The following ALDH3B1 variants were observed in gnomAD, a reference collection of about 807,000 sequenced individuals.
The protein encoded by ALDH3B1 is aldehyde dehydrogenase family 3 member B1.
In ALDH3B1, 37 loss-of-function variants were observed where a neutral mutation model predicts 46.2. The ratio of observed to expected loss-of-function variants is 0.80; its 90% CI spans 0.62 to 1.05. The LOEUF is 1.05. ALDH3B1 is among the 50% of genes least tolerant of loss of function. ALDH3B1 has a pLI of 0.00. For synonymous variants in ALDH3B1, 283 were observed against 281.0 expected (o/e 1.01, Z -0.07); for missense variants, 603 against 665.5 (o/e 0.91, Z 1.03).
intron 1 of ALDH3B1, among the ~76,000 whole-genome samples, 170 bp downstream of exon 1, chr11:68,010,562 C>T (rs1207915748): frequency 1.6e-4 from 24 of 152,324 alleles, no homozygotes; most frequent in Non-Finnish European, 2.9e-5. Context: ...GGGGAGAAAG[C>T]GGAAGGAGGA....
chr11:68,021,335 C>A, intron 6 of ALDH3B1, 150 bp from the exon 7 acceptor site: 2 of 1,180,268 alleles, frequency 1.7e-6, no homozygotes, highest in East Asian at 2.4e-5. Flanking sequence ...CCCTGGGCTG[C>A]AGGGTGGCAG....
At chr11:68,014,204 A>C (rs770867595) in intron 1 of ALDH3B1, among the ~76,000 whole-genome samples, 6 of 152,040 alleles carry the variant, frequency 3.9e-5, no homozygotes, top group Non-Finnish European at 7.4e-5. Context: ...AATGAGGGGG[A>C]AATAAGGGAG....
intron 1 of ALDH3B1, among the ~76,000 whole-genome samples, chr11:68,014,334 G>A (rs377718689): frequency 2.6e-5 from 4 of 152,204 alleles, no homozygotes; most frequent in Admixed American, 1.3e-4. Flanking sequence ...GCATAATCTG[G>A]GTGGGCTGCC....
upstream of ALDH3B1, chr11:68,010,199 C>G (rs1344871443): frequency 2.6e-5 from 4 of 152,296 alleles, no homozygotes; most frequent in African/African-American, 9.6e-5. Flanking sequence ...GATGTCGAGG[C>G]CCCCGAGGGA....
At position 68,015,388 on chromosome 11, in the gene ALDH3B1, C is replaced by T. The variant is rs1281495256; in HGVS notation, c.91C>T (p.Gln31Ter). The T allele has an allele frequency of 3.2e-6, 5 of 1,553,520 alleles. No homozygotes were observed. Among genetic ancestry groups the T allele is most frequent in the Non-Finnish European group, 4.4e-6 (5 of 1,148,924 alleles). Residue 31 changes from glutamine (Q) to a stop codon, truncating the protein, a stop_gained, in exon 2 of 10, where the codon CAA (glutamine) becomes TAA (stop). Transcript: ENST00000342456. LOFTEE classifies it high-confidence loss of function. Reference protein sequence around the residue: ...RPAEFRAAQLQGLGRFLQENK... With the variant: ...RPAEFRAAQL ...AGCTGAGTTCCGGGCTGCGCAGCTC[C>T]AAGGCCTGGGCCGCTTCCTGCAAGA...
At chr11:68,027,538 C>T (rs920005932) in intron 9 of ALDH3B1, among the ~76,000 whole-genome samples, 1 of 152,218 alleles carries the variant, frequency 6.6e-6, no homozygotes, top group African/African-American at 2.4e-5. Context: ...CACCACCCGC[C>T]TATCTTGCCC....
Position 68,021,856 on chromosome 11 carries a change from A to T in ALDH3B1, c.934A>T (p.Ser312Cys). ...GGCCATTGGGGGCCAGAGCGATGAG[A>T]GCGATCGCTACATCGGTGAGTCCTG... Reference protein sequence around the residue: ...RVAIGGQSDESDRYIAPTVLV... With the variant: ...RVAIGGQSDECDRYIAPTVLV... Residue 312 changes from serine (S) to cysteine (C), a missense_variant, in exon 7 of 10, where the codon AGC becomes TGC. Transcript: ENST00000342456. 6.2e-7 allele frequency: 1 copy of T among 1,607,860 alleles called. No homozygotes were observed. Among genetic ancestry groups the T allele is most frequent in the Non-Finnish European group, 8.5e-7 (1 of 1,176,622 alleles).
At position 68,028,054 on chromosome 11, in the gene ALDH3B1, C is replaced by G; in HGVS notation, c.*115C>G. ...GAAAAGGATTGCCAAGGCTCCAGGG[C>G]ACCCCTCAAAGCAGCGCCTGCCTCC... On this transcript the variant is annotated 3_prime_UTR_variant, in exon 10 of 10. Coordinates refer to ENST00000342456, the MANE Select transcript of ALDH3B1 (RefSeq NM_000694.4). 1 of 1,399,210 alleles carries G rather than the reference C, an allele frequency of 7.1e-7. No individual in the cohort carries two copies. The allele number at this position is 1,399,210 out of a possible 1,614,324, so 86.7% of individuals were successfully genotyped here. A position where few individuals can be genotyped will look rare whatever the true frequency, so the allele number is the denominator to read the frequency against.
chr11:68,020,002 C>T (rs1857452522), intron 6 of ALDH3B1, among the ~76,000 whole-genome samples: 1 of 152,120 alleles, frequency 6.6e-6, no homozygotes, highest in Non-Finnish European at 1.5e-5. Context: ...GTGCCAACCA[C>T]AGCGTCAGGA....
In ALDH3B1 at chr11:68,026,105, G is replaced by T. The variant is rs374098126; in HGVS notation, c.1213G>T (p.Val405Leu). Residue 405 changes from valine to leucine, a missense_variant, in exon 9 of 10, where the codon GTG (valine) becomes TTG (leucine). By Grantham distance (32) the Val-to-Leu change is conservative (BLOSUM62 1). Coordinates refer to ENST00000342456, the MANE Select transcript of ALDH3B1 (RefSeq NM_000694.4). ...CCTGGCCAGCCTGCCTTTTGGAGGA[G>T]TGGGTAGGTGCCTGCTACCCTGCCC... ...MTLASLPFGG[V>L]GASGMGRYHG... The T allele has an allele frequency of 4.2e-5, 68 of 1,601,190 alleles. No homozygotes were observed. Among genetic ancestry groups the T allele is most frequent in the Non-Finnish European group, 5.5e-5 (64 of 1,174,040 alleles).
rs1857396143 is a variant in ALDH3B1 at position 68,018,285 on chromosome 11, G to C, written c.163-242G>C. ...CAGCCACGTCCTAATGGAGCCGTCA[G>C]CGTTCTCACTTTCACATGGAACGAC... On this transcript the variant is annotated intron_variant, in intron 2 of 9. Coordinates refer to ENST00000342456, the MANE Select transcript of ALDH3B1 (RefSeq NM_000694.4). 7 of 546,010 alleles carry C rather than the reference G, an allele frequency of 1.3e-5. No homozygotes were observed. The South Asian group carries it at 1.5e-4, about 12-fold the overall frequency. 33.8% of individuals were successfully genotyped at this position (546,010 alleles called of 1,614,324 possible).
chr11:68,014,055 C>A (rs77365781), intron 1 of ALDH3B1, among the ~76,000 whole-genome samples: 2 of 152,310 alleles, frequency 1.3e-5, no homozygotes, highest in Admixed American at 6.5e-5. Flanking sequence ...TTGCGCTCAC[C>A]GATGCTGGGC....
rs780048887 is a variant in ALDH3B1, at chr11:68,019,209, A to C, written c.434A>C (p.Asn145Thr). The change falls in exon 5 of 10, where the codon AAC becomes ACC. Residue 145 changes from asparagine (N) to threonine (T), a missense_variant. Coordinates refer to ENST00000342456, the MANE Select transcript of ALDH3B1 (RefSeq NM_000694.4). ...CTGAAGCCATCGGAGATTAGCAAGA[A>C]CGTCGAGAAGATCCTGGCCGAGGTG... ...VVLKPSEISK[N>T]VEKILAEVLP... The C allele has an allele frequency of 1.2e-6, 2 of 1,613,586 alleles. No homozygotes were observed. The highest frequency in any genetic ancestry group is 1.1e-5 in the South Asian group (1 of 90,930).
chr11:68,021,362 GC>G, intron 6 of ALDH3B1, 122 bp from the exon 7 acceptor site: 1 of 1,424,598 alleles, frequency 7.0e-7, no homozygotes, highest in Non-Finnish European at 9.5e-7. Flanking sequence ...ACAAGGAAAG[GC>G]CAGGCGAGGG....
rs1425398188 is a variant in ALDH3B1 at position 68,021,487 on chromosome 11, A to G, written c.565A>G (p.Ser189Gly). The change falls in exon 7 of 10, where the codon AGC (serine) becomes GGC (glycine). Residue 189 changes from serine (S) to glycine (G), a missense_variant and splice_region_variant. Physicochemically the swap from Ser to Gly is moderately conservative, Grantham distance 56. Coordinates refer to ENST00000342456, the MANE Select transcript of ALDH3B1 (RefSeq NM_000694.4). ...HRFDYIFFTG[S>G]PRVGKIVMTA... is the part of the protein sequence containing the mutation. ...CTCTGGTTTCCTTCCATGCCCAGGG[A>G]GCCCTCGTGTGGGCAAGATTGTTAT... 2.5e-6 allele frequency: 4 copies of G among 1,608,260 alleles called. No individual in the cohort carries two copies. In the African/African-American group the frequency reaches 5.3e-5, roughly 22 times the overall value.
In ALDH3B1 at chr11:68,025,757, T is replaced by G. The variant is rs142004633; in HGVS notation, c.1117-252T>G. 3.0e-3 allele frequency among the ~76,000 whole-genome samples: 461 copies of G among 151,864 alleles called. 1 individual carries two copies. The highest frequency in any genetic ancestry group is 5.0e-3 in the Non-Finnish European group (340 of 67,930). ...CTGCCCCTACCCCCAGCCCTAAGAG[T>G]CTGTGCCATCAGCATGGACCACACA... On this transcript the variant is annotated intron_variant, in intron 8 of 9. Coordinates refer to ENST00000342456, the MANE Select transcript of ALDH3B1 (RefSeq NM_000694.4).
rs757098171 is a variant in ALDH3B1, at chr11:68,021,616, G to A, written c.694G>A (p.Val232Met). The A allele has an allele frequency of 2.0e-5, 33 of 1,613,956 alleles. No homozygotes were observed. The highest frequency in any genetic ancestry group is 7.7e-5 in the South Asian group (7 of 91,080). ...CGACCCCCAGACCGTGGCCAACCGC[G>A]TGGCCTGGTTCCGCTACTTCAACGC... is the stretch of plus-strand genomic sequence containing the variant. ...NCDPQTVANR[V>M]AWFRYFNAGQ... The change falls in exon 7 of 10, where the codon GTG becomes ATG. Residue 232 changes from valine to methionine, a missense_variant. Val to Met is a conservative substitution (Grantham distance 21). Coordinates refer to ENST00000342456, the MANE Select transcript of ALDH3B1 (RefSeq NM_000694.4).
At position 68,019,226 on chromosome 11, in the gene ALDH3B1, G is replaced by A; in HGVS notation, c.451G>A (p.Ala151Thr). 1 of 1,613,470 alleles carries A rather than the reference G, an allele frequency of 6.2e-7. No individual in the cohort carries two copies. Among genetic ancestry groups the A allele is most frequent in the Non-Finnish European group, 8.5e-7 (1 of 1,179,720 alleles). Reference protein sequence around the residue: ...EISKNVEKILAEVLPQYVDQS... With the variant: ...EISKNVEKILTEVLPQYVDQS... ...TAGCAAGAACGTCGAGAAGATCCTG[G>A]CCGAGGTGCTGCCCCAATACGTGGA... Residue 151 changes from alanine to threonine, a missense_variant, in exon 5 of 10, where the codon GCC becomes ACC. Physicochemically the swap from Ala to Thr is moderately conservative, Grantham distance 58. Transcript: ENST00000342456.
upstream of ALDH3B1, among the ~76,000 whole-genome samples, chr11:68,010,018 C>G (rs900533865): frequency 2.0e-5 from 3 of 152,124 alleles, no homozygotes; most frequent in African/African-American, 4.8e-5. Context: ...TTCCCAGGGC[C>G]CACTGCCCCA....
Sources: allele counts gnomAD v4.1 joint callset (sites outside exome capture counted in the v4.1 genomes callset), GRCh38; gene constraint gnomAD v4.1.1; transcripts MANE v1.5; gene names NCBI Gene and HGNC (gene_info 2026-07-23, HGNC 2026-07-21).